NEK10: variants seen among roughly 807,000 people sequenced by gnomAD.
NEK10 encodes NIMA related kinase 10.
A neutral mutation model predicts 159.8 loss-of-function variants in NEK10; 122 were observed. The ratio of observed to expected loss-of-function variants is 0.76; its 90% CI spans 0.66 to 0.89. The LOEUF is 0.89. Among genes scored for constraint, NEK10 ranks in the 40% least tolerant of loss-of-function variants. The probability of loss-of-function intolerance (pLI) is 0.00; values close to 1 mark genes in which losing one functional copy is unlikely to be tolerated. For missense variants in NEK10, 1,342 were observed against 1,323.1 expected (o/e 1.01, Z -0.22); for synonymous variants, 466 against 457.1 (o/e 1.02, Z -0.25).
chr3:27,325,135 G>T (rs2045918827), intron 5 of NEK10, among the ~76,000 whole-genome samples: 1 of 152,208 alleles, frequency 6.6e-6, no homozygotes, highest in South Asian at 2.1e-4. Context: ...GTGCTGCCAT[G>T]CACTGGAACT....
chr3:27,304,908 G>A lies in NEK10; in HGVS notation c.867C>T (p.Leu289=). Residue 289 remains leucine, a synonymous_variant, in exon 12 of 36, where the codon CTC becomes CTT. Coordinates refer to ENST00000691995, the MANE Select transcript of NEK10 (RefSeq NM_001394966.1). ...AEPQVKEQVK[L]YEGIPVLLSL... Reference sequence around the variant, plus strand: ...TGAGGAGGACCGGTATCCCCTCATAGAGCTTCACCTGCTCTTTCACCTGGG... The same window carrying A: ...TGAGGAGGACCGGTATCCCCTCATAAAGCTTCACCTGCTCTTTCACCTGGG... The A allele has an allele frequency of 6.2e-7, 1 of 1,613,702 alleles. No individual in the cohort carries two copies. Among genetic ancestry groups the A allele is most frequent in the Non-Finnish European group, 8.5e-7 (1 of 1,179,772 alleles).
chr3:27,262,395 G>A (rs1023964186), intron 22 of NEK10, among the ~76,000 whole-genome samples: 4 of 152,174 alleles, frequency 2.6e-5, no homozygotes, highest in Non-Finnish European at 5.9e-5. Flanking sequence ...CTAGATTGGG[G>A]AAGTACCCCT....
chr3:27,314,157 A>G, intron 7 of NEK10, 140 bp downstream of exon 7: 2 of 645,870 alleles, frequency 3.1e-6, no homozygotes, highest in East Asian at 5.5e-5. Flanking sequence ...CCTCACACTC[A>G]CACTTAACGC....
At chr3:27,297,265 T>C in intron 13 of NEK10, 25 bp from the exon 14 acceptor site, 7 of 1,530,872 alleles carry the variant, frequency 4.6e-6, no homozygotes, top group South Asian at 1.1e-5. Context: ...ATCAAATGCA[T>C]AGTGTGCATC....
chr3:27,253,717 G>A (rs1367891846), intron 23 of NEK10, among the ~76,000 whole-genome samples: 1 of 152,118 alleles, frequency 6.6e-6, no homozygotes, highest in African/African-American at 2.4e-5. Flanking sequence ...GGACCCTGCA[G>A]GGAAGGGAAA....
intron 26 of NEK10, among the ~76,000 whole-genome samples, chr3:27,180,244 A>T (rs949750847): frequency 2.0e-5 from 3 of 151,950 alleles, no homozygotes; most frequent in African/African-American, 7.3e-5. Flanking sequence ...AAAATATAAA[A>T]ATTAGACAGG....
At chr3:27,303,079 G>T (rs1209355913) in intron 12 of NEK10, among the ~76,000 whole-genome samples, 1 of 152,152 alleles carries the variant, frequency 6.6e-6, no homozygotes, top group Non-Finnish European at 1.5e-5. Flanking sequence ...GCTCTGAAAA[G>T]AAACTGTTTA....
intron 5 of NEK10, among the ~76,000 whole-genome samples, chr3:27,338,841 A>G (rs1353790151): frequency 6.6e-6 from 1 of 152,172 alleles, no homozygotes. Flanking sequence ...TCAGATGGCT[A>G]GATTGCAAAA....
At chr3:27,145,054 T>C (rs1482777322) in intron 30 of NEK10, among the ~76,000 whole-genome samples, 3 of 152,162 alleles carry the variant, frequency 2.0e-5, no homozygotes, top group Admixed American at 6.5e-5. Context: ...CATAACATTT[T>C]GTCTAGCTTT....
At chr3:27,299,098 A>G (rs1172067682) in intron 13 of NEK10, among the ~76,000 whole-genome samples, 1 of 152,142 alleles carries the variant, frequency 6.6e-6, no homozygotes, top group Non-Finnish European at 1.5e-5. Context: ...AATGGAGAAA[A>G]TTTCTCCAGG....
chr3:27,207,992 T>C (rs1469370945), intron 23 of NEK10, among the ~76,000 whole-genome samples: 1 of 152,150 alleles, frequency 6.6e-6, no homozygotes, highest in Non-Finnish European at 1.5e-5. Flanking sequence ...TGTAGCAATA[T>C]AGGATGAATA....
chr3:27,204,290 T>C (rs1950302921), intron 23 of NEK10, among the ~76,000 whole-genome samples: 1 of 111,410 alleles, frequency 9.0e-6, no homozygotes, highest in Non-Finnish European at 1.8e-5. Flanking sequence ...TTTTTTTTTT[T>C]TTTTGTTGTT....
intron 8 of NEK10, 173 bp from the exon 9 acceptor site, chr3:27,311,189 C>T (rs1254491456): frequency 2.1e-6 from 1 of 470,534 alleles, no homozygotes; most frequent in African/African-American, 2.0e-5. Flanking sequence ...CCAAGAATTA[C>T]TCCTCAAGCT....
intron 22 of NEK10, among the ~76,000 whole-genome samples, chr3:27,260,938 G>A (rs1445514644): frequency 2.0e-5 from 3 of 152,064 alleles, no homozygotes; most frequent in Non-Finnish European, 4.4e-5. Flanking sequence ...CTTCTTCCTG[G>A]TTTAGTCTTG....
At chr3:27,194,842 G>C (rs896797125) in intron 25 of NEK10, among the ~76,000 whole-genome samples, 13 of 152,134 alleles carry the variant, frequency 8.5e-5, no homozygotes, top group African/African-American at 3.1e-4. Flanking sequence ...AAAGTAAACA[G>C]ACAATATTCT....
intron 30 of NEK10, among the ~76,000 whole-genome samples, chr3:27,159,960 G>C (rs527770232): frequency 4.0e-5 from 6 of 150,012 alleles, no homozygotes; most frequent in Non-Finnish European, 7.4e-5. Context: ...TCTGATTTTG[G>C]CAAAATTCTC....
chr3:27,287,799 T>C lies in NEK10; in HGVS notation c.1744-56A>G, dbSNP rs1025472854. ...GCACTGCTTCAAAATACAAGTTTTT[T>C]CACTGACTACTTAGTTGGACTTCAT... On this transcript the variant is annotated intron_variant, in intron 19 of 35. Coordinates refer to ENST00000691995, the MANE Select transcript of NEK10 (RefSeq NM_001394966.1). 3.4e-6 allele frequency: 5 copies of C among 1,461,522 alleles called. No homozygotes were observed. In the Admixed American group the frequency reaches 1.4e-4, roughly 41 times the overall value. The allele number at this position is 1,461,522 out of a possible 1,614,324, so 90.5% of individuals were successfully genotyped here. A position where few individuals can be genotyped will look rare whatever the true frequency, so the allele number is the denominator to read the frequency against.
intron 23 of NEK10, among the ~76,000 whole-genome samples, chr3:27,226,875 G>T (rs1264268031): frequency 1.3e-5 from 2 of 151,958 alleles, no homozygotes; most frequent in African/African-American, 4.8e-5. Context: ...TAAAATTACA[G>T]GTTATTTCCC....
At chr3:27,335,894 T>C (rs2046769315) in intron 5 of NEK10, among the ~76,000 whole-genome samples, 1 of 152,068 alleles carries the variant, frequency 6.6e-6, no homozygotes, top group Non-Finnish European at 1.5e-5. Flanking sequence ...AGCAATAAAA[T>C]GCTTACATCA....
Sources: allele counts gnomAD v4.1 joint callset (sites outside exome capture counted in the v4.1 genomes callset), GRCh38; gene constraint gnomAD v4.1.1; transcripts MANE v1.5; gene names NCBI Gene and HGNC (gene_info 2026-07-23, HGNC 2026-07-21).